CDC42BPB: variants seen among roughly 807,000 people sequenced by gnomAD.
CDC42BPB encodes CDC42 binding protein kinase beta.
In CDC42BPB, 37 loss-of-function variants were observed where a neutral mutation model predicts 214.9. That is an observed-to-expected ratio of 0.17 (90% CI 0.13 to 0.23). CDC42BPB has a LOEUF of 0.23. Among genes scored for constraint, CDC42BPB ranks in the 10% least tolerant of loss-of-function variants. The probability of loss-of-function intolerance (pLI) is 1.00; values close to 1 mark genes in which losing one functional copy is unlikely to be tolerated. For synonymous variants in CDC42BPB, 931 were observed against 884.0 expected (o/e 1.05, Z -0.94); for missense variants, 1,694 against 2,227.0 (o/e 0.76, Z 4.82).
rs1891444904 is a variant in CDC42BPB at position 102,932,837 on chromosome 14, C to T, written c.*875G>A. The T allele has an allele frequency of 7.0e-6, 1 of 143,404 alleles. No homozygotes were observed. The highest frequency in any genetic ancestry group is 1.5e-5 in the Non-Finnish European group (1 of 66,838). The allele number at this position is 143,404 out of a possible 1,614,324, so 8.9% of individuals were successfully genotyped here. On this transcript the variant is annotated 3_prime_UTR_variant, in exon 37 of 37. Transcript: ENST00000361246. Reference sequence around the variant, plus strand: ...GGGTGGGTCTACGTGATCATACGGGCTACTAATCACGGGGGCTCCATGCGG... The same window carrying T: ...GGGTGGGTCTACGTGATCATACGGGTTACTAATCACGGGGGCTCCATGCGG...
intron 20 of CDC42BPB, among the ~76,000 whole-genome samples, chr14:102,961,884 G>C (rs1457111013): frequency 6.6e-6 from 1 of 152,132 alleles, no homozygotes; most frequent in East Asian, 1.9e-4. Flanking sequence ...TAAATGATAA[G>C]CAAAGACAAA....
In CDC42BPB at chr14:103,031,606, C is replaced by A. The variant is rs557881881; in HGVS notation, c.176-19418G>T. ...AATTGTACTTTTCCAGAACGTCTGG[C>A]GATTTCCAATTTGGGATGAGCCTGG... On this transcript the variant is annotated intron_variant, in intron 1 of 36. Transcript: ENST00000361246. Among the ~76,000 whole-genome samples the A allele has an allele frequency of 3.9e-5, 6 of 152,312 alleles. No individual in the cohort carries two copies. In the East Asian group the frequency reaches 1.2e-3, roughly 29 times the overall value.
At chr14:102,964,109 T>C (rs1007420406) in intron 19 of CDC42BPB, among the ~76,000 whole-genome samples, 1 of 152,352 alleles carries the variant, frequency 6.6e-6, no homozygotes, top group South Asian at 2.1e-4. Context: ...TTTTAAAATA[T>C]TCACGTTAGC....
chr14:103,053,597 T>C (rs1163221230), intron 1 of CDC42BPB, among the ~76,000 whole-genome samples: 3 of 149,626 alleles, frequency 2.0e-5, no homozygotes, highest in East Asian at 2.0e-4. Flanking sequence ...CCGTCTCTAC[T>C]AAAAATACAA....
Position 102,940,062 on chromosome 14 carries a change from G to C in CDC42BPB, c.4575C>G (p.Phe1525Leu). 2.5e-6 allele frequency: 4 copies of C among 1,613,990 alleles called. No homozygotes were observed. The South Asian group carries it at 4.4e-5, about 18-fold the overall frequency. ...LNCEPPRLIY[F>L]KSKFSGAVLN... ...AAGGCTCACCCGAGAACTTGCTCTT[G>C]AAGTAGATCAAGCGTGGAGGCTCGC... Residue 1525 changes from phenylalanine to leucine, a missense_variant, in exon 32 of 37, where the codon TTC becomes TTG. By Grantham distance (22) the Phe-to-Leu change is conservative (BLOSUM62 0). Around this residue, in one of 7 missense-constraint regions of CDC42BPB, gnomAD observed 567 missense variants for 790.3 expected, o/e 0.72. Coordinates refer to ENST00000361246, the MANE Select transcript of CDC42BPB (RefSeq NM_006035.4).
At chr14:102,938,253 AC>A (rs1292072546) in intron 35 of CDC42BPB, 52 bp downstream of exon 35, 8 of 1,596,046 alleles carry the variant, frequency 5.0e-6, no homozygotes, top group Admixed American at 3.5e-5. Context: ...CCATTCCAGC[AC>A]CCCCTACCCC....
At chr14:102,953,875 A>G (rs1342411705) in intron 23 of CDC42BPB, among the ~76,000 whole-genome samples, 1 of 152,216 alleles carries the variant, frequency 6.6e-6, no homozygotes, top group Non-Finnish European at 1.5e-5. Context: ...ATCAATGTGG[A>G]GAAGTAAGCT....
intron 31 of CDC42BPB, 32 bp from the exon 32 acceptor site, chr14:102,940,162 G>A (rs375369354): frequency 2.7e-5 from 43 of 1,613,850 alleles, no homozygotes; most frequent in African/African-American, 1.5e-4. Context: ...GACAGTAAGC[G>A]CGGCCACGCA....
chr14:102,984,088 T>C (rs748760191), intron 6 of CDC42BPB, among the ~76,000 whole-genome samples: 7 of 152,192 alleles, frequency 4.6e-5, no homozygotes, highest in Non-Finnish European at 8.8e-5. Context: ...ATAAATATCC[T>C]TTTGAAGCAC....
At chr14:102,964,740 T>C (rs1406091280) in intron 18 of CDC42BPB, 90 bp from the exon 19 acceptor site, 2 of 1,448,116 alleles carry the variant, frequency 1.4e-6, no homozygotes, top group Admixed American at 5.5e-5. Flanking sequence ...TGTCTAACCT[T>C]AAGCCATTAC....
chr14:103,043,678 C>CA (rs200267205), intron 1 of CDC42BPB, among the ~76,000 whole-genome samples: 118 of 133,536 alleles, frequency 8.8e-4, no homozygotes, highest in Middle Eastern at 3.7e-3. Context: ...AAAGCTGTTA[C>CA]AAAAAAAAAA....
chr14:102,949,827 A>C lies in CDC42BPB; in HGVS notation c.3387T>G (p.Tyr1129Ter), dbSNP rs1892400139. 1 of 1,613,532 alleles carries C rather than the reference A, an allele frequency of 6.2e-7. No homozygotes were observed. The highest frequency in any genetic ancestry group is 1.3e-5 in the African/African-American group (1 of 74,948). ...AVVCDCKLFL[Y>*]DLPEGKSTQP... ...GGGTGGATTTTCCTTCAGGCAGATC[A>C]TACAGGAAGAGCTTGCAGTCACAGA... The change falls in exon 26 of 37, where the codon TAT becomes TAG. Residue 1129 changes from tyrosine (Y) to a stop codon, truncating the protein, a stop_gained. Transcript: ENST00000361246. LOFTEE classifies it high-confidence loss of function.
In CDC42BPB at chr14:102,938,085, G is replaced by C; in HGVS notation, c.5004+19C>G. 2 of 1,613,110 alleles carry C rather than the reference G, an allele frequency of 1.2e-6. No homozygotes were observed. Among genetic ancestry groups the C allele is most frequent in the Non-Finnish European group, 1.7e-6 (2 of 1,179,426 alleles). On this transcript the variant is annotated intron_variant, in intron 36 of 36. Transcript: ENST00000361246. ...AGTGGTGGCTCATAGCCTCAGCACT[G>C]GACCTGGGCAAGTCTCACCTCTTTG...
intron 9 of CDC42BPB, chr14:102,976,314 T>A (rs1893742120): frequency 1.7e-6 from 1 of 583,332 alleles, no homozygotes; most frequent in Non-Finnish European, 2.2e-6. Flanking sequence ...CCCCCACACT[T>A]AACTATAAAT....
At chr14:102,995,243 C>T (rs1425585034) in intron 5 of CDC42BPB, among the ~76,000 whole-genome samples, 3 of 151,662 alleles carry the variant, frequency 2.0e-5, no homozygotes, top group Admixed American at 6.6e-5. Context: ...GGCGCGATCT[C>T]GGCTCACTGC....
intron 3 of CDC42BPB, among the ~76,000 whole-genome samples, chr14:103,006,611 T>C (rs62006863): frequency 3.8e-3 from 581 of 152,360 alleles, no homozygotes; most frequent in Non-Finnish European, 5.1e-3. Context: ...ACCAACCTCT[T>C]AATTCATGCT....
At chr14:103,050,335 C>G (rs1188253597) in intron 1 of CDC42BPB, among the ~76,000 whole-genome samples, 3 of 152,214 alleles carry the variant, frequency 2.0e-5, no homozygotes, top group Non-Finnish European at 2.9e-5. Context: ...AGGCTGACCG[C>G]AGTCCTGTGA....
intron 18 of CDC42BPB, 128 bp downstream of exon 18, chr14:102,966,154 G>A (rs1475136825): frequency 8.0e-6 from 5 of 627,638 alleles, no homozygotes; most frequent in Non-Finnish European, 1.1e-5. Flanking sequence ...CTTAAATTGG[G>A]GAACTGGTTA....
At chr14:102,988,635 T>A (rs142660009) in intron 5 of CDC42BPB, among the ~76,000 whole-genome samples, 2 of 152,126 alleles carry the variant, frequency 1.3e-5, no homozygotes, top group Admixed American at 1.3e-4. Flanking sequence ...ACAAACCAAC[T>A]ACATAAAGAA....
Sources: allele counts gnomAD v4.1 joint callset (sites outside exome capture counted in the v4.1 genomes callset), GRCh38; gene constraint gnomAD v4.1.1; regional missense constraint gnomAD v4.1.1; transcripts MANE v1.5; gene names NCBI Gene and HGNC (gene_info 2026-07-23, HGNC 2026-07-21).